EFNA5: variants seen among roughly 807,000 people sequenced by gnomAD.
The protein encoded by EFNA5 is ephrin A5.
In EFNA5, 5 loss-of-function variants were observed where a neutral mutation model predicts 22.9. The observed-to-expected ratio is 0.22, with a 90% CI of 0.11 to 0.46. The LOEUF (loss-of-function observed/expected upper bound fraction) is 0.46, where lower values mean the gene tolerates loss of function less well. EFNA5 is among the 20% of genes least tolerant of loss of function. The probability of loss-of-function intolerance (pLI) is 0.99; values close to 1 mark genes in which losing one functional copy is unlikely to be tolerated. For missense variants in EFNA5, 237 were observed against 293.3 expected (o/e 0.81, Z 1.40); for synonymous variants, 113 against 112.2 (o/e 1.01, Z -0.04).
At position 107,380,780 on chromosome 5, in the gene EFNA5, G is replaced by A. The variant is rs1200516531; in HGVS notation, c.*475C>T. On this transcript the variant is annotated 3_prime_UTR_variant, in exon 5 of 5. Coordinates refer to ENST00000333274, the MANE Select transcript of EFNA5 (RefSeq NM_001962.3). Reference sequence around the variant, plus strand: ...CTGACATGGTGACATGATGCCCTGCGCGATCATCTTACAGTTCTGAATGAG... The same window carrying A: ...CTGACATGGTGACATGATGCCCTGCACGATCATCTTACAGTTCTGAATGAG... 9 of 399,810 alleles carry A rather than the reference G, an allele frequency of 2.3e-5. No homozygotes were observed. The highest frequency in any genetic ancestry group is 8.7e-5 in the Admixed American group (2 of 23,044). The allele number at this position is 399,810 out of a possible 1,614,324, so 24.8% of individuals were successfully genotyped here.
intron 1 of EFNA5, among the ~76,000 whole-genome samples, chr5:107,502,313 G>C (rs1213450649): frequency 6.6e-6 from 1 of 152,150 alleles, no homozygotes; most frequent in African/African-American, 2.4e-5. Flanking sequence ...GACCAGTCTC[G>C]TCTTAGCCAC....
At chr5:107,551,367 C>T (rs341272) in intron 1 of EFNA5, among the ~76,000 whole-genome samples, 98,870 of 151,954 alleles carry the variant, frequency 0.65, 32,801 homozygotes, top group African/African-American at 0.78. Flanking sequence ...TAACATGTAG[C>T]TTGCCAACTC....
intron 1 of EFNA5, among the ~76,000 whole-genome samples, chr5:107,526,334 G>A (rs915031998): frequency 7.2e-5 from 11 of 152,226 alleles, no homozygotes; most frequent in Non-Finnish European, 1.3e-4. Context: ...AGCTCTGTAG[G>A]TCTACAGTGA....
At chr5:107,457,502 T>C (rs934701963) in intron 1 of EFNA5, among the ~76,000 whole-genome samples, 1 of 152,186 alleles carries the variant, frequency 6.6e-6, no homozygotes, top group African/African-American at 2.4e-5. Context: ...TGTAAAAATA[T>C]GTAAATCATT....
Position 107,380,944 on chromosome 5 carries a change from G to C in EFNA5, c.*311C>G. On this transcript the variant is annotated 3_prime_UTR_variant, in exon 5 of 5. Coordinates refer to ENST00000333274, the MANE Select transcript of EFNA5 (RefSeq NM_001962.3). ...GTGAGTTCTTAGAGGAGAATGCACA[G>C]GAGCTGACGAACCACTGGTGTCACT... 1 of 464,762 alleles carries C rather than the reference G, an allele frequency of 2.2e-6. No homozygotes were observed. Among genetic ancestry groups the C allele is most frequent in the Non-Finnish European group, 3.8e-6 (1 of 262,104 alleles). 28.8% of individuals were successfully genotyped at this position (464,762 alleles called of 1,614,324 possible). A position where few individuals can be genotyped will look rare whatever the true frequency, so the allele number is the denominator to read the frequency against.
rs182700788 is a variant in EFNA5 at position 107,379,200 on chromosome 5, T to A, written c.*2055A>T. On this transcript the variant is annotated 3_prime_UTR_variant, in exon 5 of 5. Coordinates refer to ENST00000333274, the MANE Select transcript of EFNA5 (RefSeq NM_001962.3). ...GAGGCTGGCAACCCCACACACATGG[T>A]TCCATGTGAGAACAGACTCGGCAGT... 22 of 152,220 alleles carry A rather than the reference T, an allele frequency of 1.4e-4. No homozygotes were observed. The East Asian group carries it at 3.7e-3, about 25-fold the overall frequency. The allele number at this position is 152,220 out of a possible 1,614,324, so 9.4% of individuals were successfully genotyped here. A position where few individuals can be genotyped will look rare whatever the true frequency, so the allele number is the denominator to read the frequency against.
chr5:107,499,297 TTCTG>T (rs1246335435), intron 1 of EFNA5, among the ~76,000 whole-genome samples: 2 of 152,208 alleles, frequency 1.3e-5, no homozygotes, highest in East Asian at 1.9e-4. Flanking sequence ...TCTTCTCCCT[TTCTG>T]TCTCTGAGTA....
rs1748835131 is a variant in EFNA5, at chr5:107,427,354, G to A, written c.281C>T (p.Ser94Phe). ...ACATTCCCATCTCTTGAACCCTTTG[G>A]AAGTGTGGTCGCAGGCACTGTAGCC... ...FDGYSACDHT[S>F]KGFKRWECNR... Residue 94 changes from serine (S) to phenylalanine (F), a missense_variant, in exon 2 of 5, where the codon TCC becomes TTC. By Grantham distance (155) the Ser-to-Phe change is radical (BLOSUM62 -2). Coordinates refer to ENST00000333274, the MANE Select transcript of EFNA5 (RefSeq NM_001962.3). The A allele has an allele frequency of 1.2e-6, 2 of 1,614,112 alleles. No individual in the cohort carries two copies. The highest frequency in any genetic ancestry group is 1.7e-6 in the Non-Finnish European group (2 of 1,180,012).
At position 107,380,827 on chromosome 5, in the gene EFNA5, A is replaced by G; in HGVS notation, c.*428T>C. The stretch of plus-strand genomic sequence containing the variant: ...TGAGAAGGCATAAATATTGCATAGG[A>G]GAGCAAAACCCTCCCAGCCCTAGCC... On this transcript the variant is annotated 3_prime_UTR_variant, in exon 5 of 5. Transcript: ENST00000333274. 1 of 408,352 alleles carries G rather than the reference A, an allele frequency of 2.4e-6. No homozygotes were observed. Among genetic ancestry groups the G allele is most frequent in the Non-Finnish European group, 4.3e-6 (1 of 231,174 alleles). The allele number at this position is 408,352 out of a possible 1,614,324, so 25.3% of individuals were successfully genotyped here.
chr5:107,469,451 G>A (rs953952077), intron 1 of EFNA5, among the ~76,000 whole-genome samples: 1 of 152,010 alleles, frequency 6.6e-6, no homozygotes, highest in Non-Finnish European at 1.5e-5. Flanking sequence ...TCCTGCTGCG[G>A]AGCTAAGCCA....
intron 2 of EFNA5, among the ~76,000 whole-genome samples, chr5:107,396,656 A>C (rs1210387881): frequency 1.3e-5 from 2 of 152,088 alleles, no homozygotes; most frequent in Non-Finnish European, 2.9e-5. Context: ...CTCTAGCATA[A>C]ATTTTAAAAA....
chr5:107,446,683 G>C (rs988214902), intron 1 of EFNA5, among the ~76,000 whole-genome samples: 15 of 152,116 alleles, frequency 9.9e-5, no homozygotes, highest in African/African-American at 3.1e-4. Flanking sequence ...GAACCCAGGA[G>C]GCAGAGGTTG....
At chr5:107,580,657 A>G (rs1749024538) in intron 1 of EFNA5, among the ~76,000 whole-genome samples, 1 of 143,548 alleles carries the variant, frequency 7.0e-6, no homozygotes, top group East Asian at 2.2e-4. Flanking sequence ...CGGGAGGCGG[A>G]GCTTGCAGTG....
At chr5:107,464,399 T>C (rs1749919179) in intron 1 of EFNA5, among the ~76,000 whole-genome samples, 1 of 152,152 alleles carries the variant, frequency 6.6e-6, no homozygotes, top group African/African-American at 2.4e-5. Flanking sequence ...GATTGTACTT[T>C]AGCAAAGGTG....
chr5:107,522,489 CCT>C (rs568812327), intron 1 of EFNA5, among the ~76,000 whole-genome samples: 5 of 152,112 alleles, frequency 3.3e-5, no homozygotes, highest in Non-Finnish European at 5.9e-5. Flanking sequence ...GGCTGGAACT[CCT>C]GAGTTCAAGT....
chr5:107,492,031 C>T (rs895532187), intron 1 of EFNA5, among the ~76,000 whole-genome samples: 12 of 152,054 alleles, frequency 7.9e-5, no homozygotes, highest in Admixed American at 3.3e-4. Flanking sequence ...GACAGGGTTT[C>T]GCCATATTGG....
At chr5:107,520,984 T>C (rs377045575) in intron 1 of EFNA5, among the ~76,000 whole-genome samples, 14 of 152,220 alleles carry the variant, frequency 9.2e-5, no homozygotes, top group Non-Finnish European at 1.6e-4. Context: ...TCAATTTAAT[T>C]ATAAGATAAA....
chr5:107,664,269 T>C (rs928821711), intron 1 of EFNA5, among the ~76,000 whole-genome samples: 1 of 152,170 alleles, frequency 6.6e-6, no homozygotes, highest in Non-Finnish European at 1.5e-5. Context: ...GCAAAATAGT[T>C]GTAGTCAGAA....
intron 1 of EFNA5, among the ~76,000 whole-genome samples, chr5:107,559,884 C>T (rs528547694): frequency 5.2e-4 from 79 of 152,256 alleles, no homozygotes; most frequent in African/African-American, 1.8e-3. Flanking sequence ...TGCTTTCCCC[C>T]CAAATCTGAA....
Sources: allele counts gnomAD v4.1 joint callset (sites outside exome capture counted in the v4.1 genomes callset), GRCh38; gene constraint gnomAD v4.1.1; transcripts MANE v1.5; gene names NCBI Gene and HGNC (gene_info 2026-07-23, HGNC 2026-07-21).